Variants in DAPP1 observed in about 807,000 individuals in gnomAD.
The protein encoded by DAPP1 is dual adaptor of phosphotyrosine and 3-phosphoinositides 1.
Under a neutral mutation model 41.5 loss-of-function variants are expected in DAPP1, and 20 were observed. The observed-to-expected ratio is 0.48, with a 90% CI of 0.34 to 0.70. DAPP1 has a LOEUF of 0.70. Among genes scored for constraint, DAPP1 ranks in the 30% least tolerant of loss-of-function variants. The pLI, the probability that DAPP1 is intolerant of heterozygous loss-of-function variation, is 0.01. For synonymous variants in DAPP1, 113 were observed against 116.2 expected (o/e 0.97, Z 0.18); for missense variants, 233 against 333.4 (o/e 0.70, Z 2.35).
At chr4:99,872,027 A>G (rs770426849), downstream of DAPP1, among the ~76,000 whole-genome samples, 27 of 152,232 alleles carry the variant, frequency 1.8e-4, no homozygotes, top group African/African-American at 2.2e-4. Flanking sequence ...TAATCATCCC[A>G]GAGAGCAAGA....
intron 1 of DAPP1, among the ~76,000 whole-genome samples, chr4:99,827,092 G>T (rs551860411): frequency 9.9e-5 from 15 of 152,180 alleles, no homozygotes; most frequent in African/African-American, 3.6e-4. Flanking sequence ...TCCCATACAT[G>T]CTCCTCAAAC....
At chr4:99,857,701 TACACACACACAC>T (rs140943788) in intron 4 of DAPP1, among the ~76,000 whole-genome samples, 127 of 143,106 alleles carry the variant, frequency 8.9e-4, no homozygotes, top group African/African-American at 2.8e-3. Flanking sequence ...TGTATGTATA[TACACACACACAC>T]ACACACACAC....
intron 3 of DAPP1, among the ~76,000 whole-genome samples, chr4:99,847,948 G>C (rs1303794279): frequency 6.6e-6 from 1 of 151,834 alleles, no homozygotes; most frequent in Non-Finnish European, 1.5e-5. Flanking sequence ...CGAGTAGCTG[G>C]GATTACAGGC....
chr4:99,820,542 T>C (rs192664209), intron 1 of DAPP1, among the ~76,000 whole-genome samples: 1 of 152,258 alleles, frequency 6.6e-6, no homozygotes, highest in East Asian at 1.9e-4. Context: ...GAAAGTTGTA[T>C]AAGAAAGTGC....
rs1192782322 is a variant in DAPP1, at chr4:99,848,870, G to A, written c.359-4348G>A. Among the ~76,000 whole-genome samples, 3 of 152,264 alleles carry A rather than the reference G, an allele frequency of 2.0e-5. No homozygotes were observed. The East Asian group carries it at 5.8e-4, about 29-fold the overall frequency. Reference sequence around the variant, plus strand: ...GACCAGGTCAGGTATTCGAGGGCCGGGCCAGGTCTGGAGGTATAACATGGT... The same window carrying A: ...GACCAGGTCAGGTATTCGAGGGCCGAGCCAGGTCTGGAGGTATAACATGGT... On this transcript the variant is annotated intron_variant, in intron 3 of 8. Transcript: ENST00000512369.
chr4:99,852,250 G>T (rs1325873625), intron 3 of DAPP1, among the ~76,000 whole-genome samples: 1 of 152,146 alleles, frequency 6.6e-6, no homozygotes, highest in Non-Finnish European at 1.5e-5. Context: ...ATGAATTGCT[G>T]AATTCTTTAC....
intron 3 of DAPP1, 151 bp from the exon 4 acceptor site, chr4:99,853,067 C>T (rs1489284020): frequency 7.0e-6 from 6 of 860,118 alleles, no homozygotes; most frequent in Admixed American, 2.8e-5. Flanking sequence ...TGCCTTATAC[C>T]TAATTGGTAT....
chr4:99,849,297 C>T (rs6848666), intron 3 of DAPP1, among the ~76,000 whole-genome samples: 36,604 of 152,088 alleles, frequency 0.24, 4,537 homozygotes, highest in African/African-American at 0.28. Context: ...CCTTTCTTGC[C>T]TCAGGCCTGG....
At chr4:99,824,221 A>G (rs1722865353) in intron 1 of DAPP1, among the ~76,000 whole-genome samples, 1 of 152,212 alleles carries the variant, frequency 6.6e-6, no homozygotes, top group Non-Finnish European at 1.5e-5. Context: ...CCTTAGGAGC[A>G]GGACAGTGGT....
chr4:99,824,135 G>A (rs1296161044), intron 1 of DAPP1, among the ~76,000 whole-genome samples: 4 of 152,204 alleles, frequency 2.6e-5, no homozygotes, highest in Admixed American at 2.0e-4. Flanking sequence ...TTTTGCAGAT[G>A]TCAGTCCTGA....
chr4:99,871,270 C>T (rs1724620283), downstream of DAPP1, among the ~76,000 whole-genome samples: 1 of 152,180 alleles, frequency 6.6e-6, no homozygotes, highest in Admixed American at 6.5e-5. Flanking sequence ...ATCCATGTTT[C>T]TACCAGACTC....
intron 2 of DAPP1, among the ~76,000 whole-genome samples, chr4:99,840,055 CTG>C (rs1723443681): frequency 1.3e-5 from 2 of 152,112 alleles, no homozygotes; most frequent in Non-Finnish European, 1.5e-5. Flanking sequence ...GAGCAAGACT[CTG>C]TCTCAAAATA....
chr4:99,850,585 G>C (rs1723820319), intron 3 of DAPP1, among the ~76,000 whole-genome samples: 1 of 152,130 alleles, frequency 6.6e-6, no homozygotes, highest in African/African-American at 2.4e-5. Context: ...AGTTCAAAAT[G>C]TATCTAATTT....
At position 99,863,720 on chromosome 4, in the gene DAPP1, T is replaced by TG. The variant is rs1253952702; in HGVS notation, c.601-50_601-49insG. Reference sequence around the variant, plus strand: ...ATAAGTGAGGGACAGATTTGTCTGTTTTTTTTTTTTTTTTTAATGGTGACA... The same window carrying TG: ...ATAAGTGAGGGACAGATTTGTCTGTTGTTTTTTTTTTTTTTTAATGGTGACA... On this transcript the variant is annotated intron_variant, in intron 6 of 8. Transcript: ENST00000512369. 18 of 735,620 alleles carry TG rather than the reference T, an allele frequency of 2.4e-5. No individual in the cohort carries two copies. In the East Asian group the frequency reaches 2.6e-4, roughly 11 times the overall value. 45.6% of individuals were successfully genotyped at this position (735,620 alleles called of 1,614,324 possible). A position where few individuals can be genotyped will look rare whatever the true frequency, so the allele number is the denominator to read the frequency against.
At chr4:99,823,837 G>A (rs1044267853) in intron 1 of DAPP1, among the ~76,000 whole-genome samples, 9 of 152,144 alleles carry the variant, frequency 5.9e-5, no homozygotes, top group African/African-American at 1.4e-4. Context: ...GTGCTAACCC[G>A]GGAATAGTCA....
Position 99,868,274 on chromosome 4 carries a change from C to T in DAPP1, c.*89C>T, listed in dbSNP as rs78371806. The stretch of plus-strand genomic sequence containing the variant: ...TCTGCAGCAGGCTTCAAATGAAAAC[C>T]GACTAAGGATTTTCTTTCAAAAACA... On this transcript the variant is annotated 3_prime_UTR_variant, in exon 9 of 9. Coordinates refer to ENST00000512369, the MANE Select transcript of DAPP1 (RefSeq NM_014395.3). 6.6e-4 allele frequency: 781 copies of T among 1,187,868 alleles called. 13 individuals are homozygous for T. The East Asian group carries it at 0.018, about 27-fold the overall frequency. The allele number at this position is 1,187,868 out of a possible 1,614,324, so 73.6% of individuals were successfully genotyped here. A position where few individuals can be genotyped will look rare whatever the true frequency, so the allele number is the denominator to read the frequency against.
intron 2 of DAPP1, among the ~76,000 whole-genome samples, chr4:99,840,016 C>G (rs1273522974): frequency 1.3e-5 from 2 of 152,132 alleles, no homozygotes; most frequent in African/African-American, 4.8e-5. Context: ...GAGCCTAGAT[C>G]ATGCCACTGC....
chr4:99,861,710 C>A, intron 5 of DAPP1, 85 bp downstream of exon 5: 1 of 1,450,698 alleles, frequency 6.9e-7, no homozygotes, highest in Non-Finnish European at 9.5e-7. Flanking sequence ...GATAGTTTTT[C>A]TTGGAAGCAT....
At chr4:99,824,089 A>G (rs978216929) in intron 1 of DAPP1, among the ~76,000 whole-genome samples, 1 of 152,164 alleles carries the variant, frequency 6.6e-6, no homozygotes, top group African/African-American at 2.4e-5. Flanking sequence ...AGTTGATTGC[A>G]TGTTTGGGTT....
Sources: allele counts gnomAD v4.1 joint callset (sites outside exome capture counted in the v4.1 genomes callset), GRCh38; gene constraint gnomAD v4.1.1; transcripts MANE v1.5; gene names NCBI Gene and HGNC (gene_info 2026-07-23, HGNC 2026-07-21).